C10orf143: variants seen among roughly 807,000 people sequenced by gnomAD.
C10orf143 encodes the protein uncharacterized protein C10orf143.
At chr10:130,106,705 A>G (rs769016455) in intron 1 of C10orf143, 1 of 1,240,478 alleles carries the variant, frequency 8.1e-7, no homozygotes, top group Non-Finnish European at 1.2e-6. Flanking sequence ...ACCTTCAGGA[A>G]AGCCAGAAAC....
At chr10:130,050,254 T>C (rs2134731616) in intron 3 of C10orf143, among the ~76,000 whole-genome samples, 1 of 152,330 alleles carries the variant, frequency 6.6e-6, no homozygotes, top group South Asian at 2.1e-4. Flanking sequence ...CGGCTGTGGC[T>C]CCCCAAGTTC....
intron 1 of C10orf143, among the ~76,000 whole-genome samples, chr10:130,091,684 A>G (rs1262503127): frequency 6.6e-6 from 1 of 152,208 alleles, no homozygotes; most frequent in Non-Finnish European, 1.5e-5. Context: ...AGTTAGATGA[A>G]TTGCTAACTA....
At position 130,052,700 on chromosome 10, in the gene C10orf143, T is replaced by A. The variant is rs556463344; in HGVS notation, c.298-16730A>T. Among the ~76,000 whole-genome samples, 171 of 152,312 alleles carry A rather than the reference T, an allele frequency of 1.1e-3. 1 individual carries two copies. The highest frequency in any genetic ancestry group is 4.0e-3 in the African/African-American group (167 of 41,552). On this transcript the variant is annotated intron_variant and NMD_transcript_variant, in intron 3 of 5. Coordinates refer to the C10orf143 transcript ENST00000643056. The stretch of plus-strand genomic sequence containing the variant: ...GAGCTATTTTAATAAAAGTACAGGA[T>A]TAAAGGAAGAGCTTAGACCAGGACA...
In C10orf143 at chr10:130,065,944, G is replaced by A. The variant is rs7090876; in HGVS notation, c.298-1561C>T. On this transcript the variant is annotated intron_variant, in intron 3 of 3. Transcript: ENST00000637128. This position sits in a 1 kb window ranked among gnomAD's most constrained non-coding sequence, Gnocchi z 4.2. ...CCAGGAGGCAGCAGGCGTCTCTTAG[G>A]GAAGAGACAGGGGAACTGCAGGGAA... The A allele has an allele frequency of 0.2, 30,940 of 152,050 alleles. 3,756 individuals carry two copies. The highest frequency in any genetic ancestry group is 0.39 in the East Asian group (2,016 of 5,150). The allele number at this position is 152,050 out of a possible 1,614,324, so 9.4% of individuals were successfully genotyped here. A position where few individuals can be genotyped will look rare whatever the true frequency, so the allele number is the denominator to read the frequency against.
At chr10:130,043,033 G>A (rs1226741520) in intron 3 of C10orf143, among the ~76,000 whole-genome samples, 1 of 152,214 alleles carries the variant, frequency 6.6e-6, no homozygotes, top group East Asian at 1.9e-4. Flanking sequence ...AAACGCTGAT[G>A]CTCACTGCAG....
At chr10:130,035,582 G>A (rs1197770199) in intron 4 of C10orf143, among the ~76,000 whole-genome samples, 2 of 152,136 alleles carry the variant, frequency 1.3e-5, no homozygotes, top group Non-Finnish European at 1.5e-5. Flanking sequence ...GGCATCAGTT[G>A]CCCCCTCACT....
chr10:130,063,595 C>T (rs1435020399), downstream of C10orf143, among the ~76,000 whole-genome samples: 2 of 152,154 alleles, frequency 1.3e-5, no homozygotes, highest in African/African-American at 4.8e-5. Flanking sequence ...CTCCCATGAC[C>T]GAATGCCATG....
chr10:130,058,424 G>A (rs897334467), intron 3 of C10orf143, among the ~76,000 whole-genome samples: 7 of 152,174 alleles, frequency 4.6e-5, no homozygotes, highest in South Asian at 4.2e-4. Flanking sequence ...TATTCAGCAC[G>A]GTGTCTGACA....
chr10:130,066,354 ATTTTTTTT>A (rs1245464072), intron 3 of C10orf143: 16 of 132,942 alleles, frequency 1.2e-4, no homozygotes, highest in African/African-American at 4.4e-4. Flanking sequence ...CACCTGGCTA[ATTTTTTTT>A]TTTTTTTTTT....
At chr10:130,036,651 G>A (rs990005228) in intron 3 of C10orf143, among the ~76,000 whole-genome samples, 21 of 152,220 alleles carry the variant, frequency 1.4e-4, no homozygotes, top group African/African-American at 1.9e-4. Flanking sequence ...GACAAAGAGG[G>A]AAGCCCACAT....
At chr10:130,037,878 T>C (rs79607564) in intron 3 of C10orf143, among the ~76,000 whole-genome samples, 5,932 of 152,224 alleles carry the variant, frequency 0.039, 300 homozygotes, top group East Asian at 0.18. Flanking sequence ...TTTATACTTT[T>C]CCCATATTGC....
At chr10:130,054,222 C>T (rs1255217457) in intron 3 of C10orf143, among the ~76,000 whole-genome samples, 1 of 152,170 alleles carries the variant, frequency 6.6e-6, no homozygotes, top group Admixed American at 6.5e-5. Context: ...CTATTCTGGG[C>T]TTCTGTGAGC....
At chr10:130,059,702 C>G (rs1590011229), downstream of C10orf143, among the ~76,000 whole-genome samples, 1 of 152,156 alleles carries the variant, frequency 6.6e-6, no homozygotes, top group Non-Finnish European at 1.5e-5. Context: ...TCAGCACAAA[C>G]TCTATAATCC....
chr10:130,110,646 A>G lies in C10orf143; in HGVS notation c.69+58T>C, dbSNP rs977390166. On this transcript the variant is annotated intron_variant, in intron 1 of 3. Transcript: ENST00000637128. Reference sequence around the variant, plus strand: ...GCCGGCAAAAACGAGGCGCGGTGGGAACCCGCCCAGGGGCCATCCGCCCTC... The same window carrying G: ...GCCGGCAAAAACGAGGCGCGGTGGGGACCCGCCCAGGGGCCATCCGCCCTC... 3 of 398,342 alleles carry G rather than the reference A, an allele frequency of 7.5e-6. No homozygotes were observed. The East Asian group carries it at 1.1e-4, about 14-fold the overall frequency. 24.7% of individuals were successfully genotyped at this position (398,342 alleles called of 1,614,324 possible).
chr10:130,050,260 A>G (rs1027725015), intron 3 of C10orf143, among the ~76,000 whole-genome samples: 4 of 152,246 alleles, frequency 2.6e-5, no homozygotes, highest in African/African-American at 4.8e-5. Flanking sequence ...TGGCTCCCCA[A>G]GTTCTGAGGC....
intron 3 of C10orf143, among the ~76,000 whole-genome samples, chr10:130,074,049 C>T (rs1413382853): frequency 4.6e-5 from 7 of 152,288 alleles, no homozygotes; most frequent in East Asian, 3.9e-4. Context: ...CACAAAAACC[C>T]GCACTGTCAC....
At chr10:130,100,069 C>T (rs1861524143) in intron 1 of C10orf143, among the ~76,000 whole-genome samples, 1 of 151,602 alleles carries the variant, frequency 6.6e-6, no homozygotes, top group African/African-American at 2.4e-5. Flanking sequence ...AACTCCTGAC[C>T]TTGTGATCCA....
At chr10:130,050,597 A>C (rs1210932532) in intron 3 of C10orf143, among the ~76,000 whole-genome samples, 2 of 152,226 alleles carry the variant, frequency 1.3e-5, no homozygotes, top group African/African-American at 2.4e-5. Context: ...AATAACGGGT[A>C]GTAAGGCCTT....
At chr10:130,087,705 G>T (rs1590026180) in intron 1 of C10orf143, among the ~76,000 whole-genome samples, 1 of 152,192 alleles carries the variant, frequency 6.6e-6, no homozygotes, top group East Asian at 1.9e-4. Context: ...CCAGAGATGA[G>T]ATTCAAAGCT....
Sources: allele counts gnomAD v4.1 joint callset (sites outside exome capture counted in the v4.1 genomes callset), GRCh38; gene constraint gnomAD v4.1.1; non-coding constraint Gnocchi (gnomAD v3.1); transcripts MANE v1.5; gene names NCBI Gene and HGNC (gene_info 2026-07-23, HGNC 2026-07-21).